FAM13A: variants seen among roughly 807,000 people sequenced by gnomAD.
The protein encoded by FAM13A is protein FAM13A.
In FAM13A, 76 loss-of-function variants were observed where a neutral mutation model predicts 129.6. That is an observed-to-expected ratio of 0.59 (90% confidence interval 0.49 to 0.71). The LOEUF (loss-of-function observed/expected upper bound fraction) is 0.71. Among genes scored for constraint, FAM13A ranks in the 30% least tolerant of loss-of-function variants. The pLI, the probability that FAM13A is intolerant of heterozygous loss-of-function variation, is 0.00. For synonymous variants in FAM13A, 443 were observed against 449.9 expected (o/e 0.98, Z 0.20); for missense variants, 1,108 against 1,249.3 (o/e 0.89, Z 1.70).
intron 2 of FAM13A, among the ~76,000 whole-genome samples, chr4:89,023,846 C>T (rs538348299): frequency 6.7e-6 from 1 of 150,256 alleles, no homozygotes; most frequent in Admixed American, 6.7e-5. Context: ...TAGCCAGTAC[C>T]CACATGAGGC....
At chr4:88,878,465 C>T (rs1347926461) in intron 6 of FAM13A, among the ~76,000 whole-genome samples, 1 of 151,866 alleles carries the variant, frequency 6.6e-6, no homozygotes, top group Non-Finnish European at 1.5e-5. Context: ...GATTAATGAG[C>T]CTGTTTATTT....
chr4:88,932,940 C>A (rs917016198), intron 5 of FAM13A, among the ~76,000 whole-genome samples: 1 of 151,874 alleles, frequency 6.6e-6, no homozygotes, highest in Non-Finnish European at 1.5e-5. Flanking sequence ...AATTTTAAAC[C>A]CAAAAGTTAA....
chr4:88,733,977 T>G (rs2149401441), intron 21 of FAM13A, among the ~76,000 whole-genome samples: 1 of 152,330 alleles, frequency 6.6e-6, no homozygotes, highest in East Asian at 1.9e-4. Context: ...TGTAACAAAA[T>G]TACTCTCAGT....
intron 6 of FAM13A, among the ~76,000 whole-genome samples, chr4:88,896,466 C>T (rs1245152451): frequency 1.3e-5 from 2 of 152,010 alleles, no homozygotes; most frequent in Non-Finnish European, 2.9e-5. Context: ...ATTTTAGGAA[C>T]TGTATATTAA....
intron 1 of FAM13A, among the ~76,000 whole-genome samples, chr4:89,055,582 A>G (rs554485794): frequency 6.6e-6 from 1 of 151,564 alleles, no homozygotes; most frequent in East Asian, 2.0e-4. Flanking sequence ...ATGACTACCA[A>G]TCTTCATGAC....
At position 88,768,028 on chromosome 4, in the gene FAM13A, T is replaced by C. The variant is rs760655985; in HGVS notation, c.1490A>G (p.His497Arg). Residue 497 changes from histidine to arginine, a missense_variant, in exon 12 of 24, where the codon CAT becomes CGT. By Grantham distance (29) the His-to-Arg change is conservative. Around this residue, in one of 3 missense-constraint regions of FAM13A, gnomAD observed 566 missense variants for 595.7 expected, o/e 0.95. Transcript: ENST00000264344. ...AAAATCATCAGGTCCAGTTCTCTCA[T>C]GAGATCGTGTGGAATTGAGACTTTC... ...NMESLNSTRS[H>R]ERTGPDDFEW... The C allele has an allele frequency of 2.5e-6, 4 of 1,589,434 alleles. No homozygotes were observed. In the South Asian group the frequency reaches 3.3e-5, roughly 13 times the overall value.
At chr4:89,024,617 C>G (rs1304288645) in intron 2 of FAM13A, among the ~76,000 whole-genome samples, 1 of 152,156 alleles carries the variant, frequency 6.6e-6, no homozygotes, top group Non-Finnish European at 1.5e-5. Flanking sequence ...TGACATAGTG[C>G]TTACTGTGTA....
chr4:88,910,341 G>T (rs1463212787), intron 5 of FAM13A, among the ~76,000 whole-genome samples: 1 of 151,644 alleles, frequency 6.6e-6, no homozygotes, highest in Non-Finnish European at 1.5e-5. Flanking sequence ...AATAAGGAAG[G>T]AAAAAAATAC....
At chr4:88,980,276 T>A (rs1367660773) in intron 4 of FAM13A, among the ~76,000 whole-genome samples, 1 of 152,200 alleles carries the variant, frequency 6.6e-6, no homozygotes, top group Non-Finnish European at 1.5e-5. Flanking sequence ...AGGGATTAAG[T>A]CTGGTTAGTG....
In FAM13A at chr4:88,749,103, AT is replaced by A. The variant is rs1251642149; in HGVS notation, c.2080-71del. 5.1e-6 allele frequency: 6 copies of A among 1,175,474 alleles called. No homozygotes were observed. In the African/African-American group the frequency reaches 9.3e-5, roughly 18 times the overall value. The allele number at this position is 1,175,474 out of a possible 1,614,324, so 72.8% of individuals were successfully genotyped here. On this transcript the variant is annotated intron_variant, in intron 16 of 23. Transcript: ENST00000264344. ...GGAAAGTAAGAAGTGTTTGATGATC[AT>A]TTTTGTTTTAAATAGGAAGGAAAAG...
intron 6 of FAM13A, among the ~76,000 whole-genome samples, chr4:88,864,471 C>T (rs1228273346): frequency 1.3e-5 from 2 of 152,184 alleles, no homozygotes; most frequent in African/African-American, 2.4e-5. Context: ...TGCAGTGGCA[C>T]GATATCAGCT....
chr4:88,834,493 A>C (rs544533180), intron 7 of FAM13A, among the ~76,000 whole-genome samples: 4 of 152,312 alleles, frequency 2.6e-5, no homozygotes, highest in Non-Finnish European at 4.4e-5. Context: ...TATTTAAATA[A>C]AGAAAATGCA....
At chr4:88,930,506 G>A (rs573196076) in intron 5 of FAM13A, among the ~76,000 whole-genome samples, 14 of 152,266 alleles carry the variant, frequency 9.2e-5, no homozygotes, top group Admixed American at 3.3e-4. Flanking sequence ...GTTATTAGGT[G>A]AGGCTGTGGT....
chr4:88,983,957 T>C (rs1761938560), intron 4 of FAM13A, among the ~76,000 whole-genome samples: 1 of 152,168 alleles, frequency 6.6e-6, no homozygotes, highest in Admixed American at 6.5e-5. Flanking sequence ...AGAATAGATA[T>C]ACAGATCAAT....
In FAM13A at chr4:88,726,048, A is replaced by G. The variant is rs1736395741; in HGVS notation, c.*2485T>C. The G allele has an allele frequency of 6.6e-6, 1 of 152,240 alleles. No individual in the cohort carries two copies. The highest frequency in any genetic ancestry group is 2.4e-5 in the African/African-American group (1 of 41,456). 9.4% of individuals were successfully genotyped at this position (152,240 alleles called of 1,614,324 possible). ...ATTTTGTTGGCATGTGCTAATTAAT[A>G]AACACATATTCCCAACACAGCAAAG... On this transcript the variant is annotated 3_prime_UTR_variant, in exon 24 of 24. Transcript: ENST00000264344.
chr4:88,990,880 A>C, intron 4 of FAM13A, 93 bp downstream of exon 4: 1 of 946,372 alleles, frequency 1.1e-6, no homozygotes, highest in Non-Finnish European at 1.6e-6. Context: ...GAATTTTCAG[A>C]CTGAAATATG....
chr4:88,827,944 T>C (rs139139031), intron 7 of FAM13A, among the ~76,000 whole-genome samples: 33 of 152,302 alleles, frequency 2.2e-4, no homozygotes, highest in African/African-American at 7.5e-4. Flanking sequence ...CCTCTCCAGT[T>C]CAGTTGCTTA....
chr4:89,006,190 T>G (rs1764982220), intron 3 of FAM13A, among the ~76,000 whole-genome samples: 1 of 150,444 alleles, frequency 6.6e-6, no homozygotes, highest in Admixed American at 6.7e-5. Flanking sequence ...CTTGTTTTTG[T>G]CAGCTTTGTT....
intron 4 of FAM13A, among the ~76,000 whole-genome samples, chr4:88,985,485 T>C (rs1264681944): frequency 1.3e-5 from 2 of 152,106 alleles, no homozygotes; most frequent in Non-Finnish European, 1.5e-5. Context: ...TCTTAAAACT[T>C]AAAAAATCCA....
Sources: gnomAD v4.1 joint callset for allele counts (sites outside exome capture counted in the v4.1 genomes callset) on GRCh38, gnomAD v4.1.1 for gene constraint, gnomAD v4.1.1 regional missense constraint, MANE v1.5 for transcripts, NCBI Gene and HGNC (gene_info 2026-07-23, HGNC 2026-07-21) for gene names.